The following ZMYND11 variants were observed in gnomAD, a reference collection of about 807,000 sequenced individuals.
ZMYND11 encodes zinc finger MYND-type containing 11.
ZMYND11 carries 9 observed loss-of-function variants against 84.9 expected under a neutral mutation model. That is an observed-to-expected ratio of 0.11 (90% confidence interval 0.06 to 0.18). The LOEUF is 0.18. Among genes scored for constraint, ZMYND11 ranks in the 10% least tolerant of loss-of-function variants. The pLI is 1.00. For missense variants in ZMYND11, 409 were observed against 761.0 expected (o/e 0.54, Z 5.44); for synonymous variants, 250 against 244.1 (o/e 1.02, Z -0.23).
intron 2 of ZMYND11, among the ~76,000 whole-genome samples, chr10:185,493 T>TA (rs531517790): frequency 0.013 from 1,078 of 80,760 alleles, 26 homozygotes; most frequent in African/African-American, 0.033. Flanking sequence ...GGTTTTTCTT[T>TA]AAAAAAAAAA....
chr10:221,674 T>A (rs1222452325), intron 4 of ZMYND11, among the ~76,000 whole-genome samples: 1 of 152,218 alleles, frequency 6.6e-6, no homozygotes, highest in Non-Finnish European at 1.5e-5. Flanking sequence ...ATCTGTTCAA[T>A]AGCTACTTTG....
intron 2 of ZMYND11, among the ~76,000 whole-genome samples, chr10:185,473 A>G (rs1033780303): frequency 2.7e-5 from 4 of 146,452 alleles, no homozygotes; most frequent in Non-Finnish European, 4.5e-5. Context: ...CCATCTCACA[A>G]CAATCTTGTG....
intron 1 of ZMYND11, among the ~76,000 whole-genome samples, chr10:162,918 TGCTATAAA>T (rs1843232536): frequency 1.3e-5 from 2 of 152,200 alleles, no homozygotes; most frequent in Admixed American, 6.5e-5. Context: ...TTTACAGGTC[TGCTATAAA>T]GCTCTTGGTT....
intron 1 of ZMYND11, among the ~76,000 whole-genome samples, chr10:143,110 G>A (rs1236763431): frequency 2.0e-5 from 3 of 152,204 alleles, no homozygotes; most frequent in African/African-American, 7.2e-5. Context: ...GATTCAGAGA[G>A]CTAATTTCTG....
intron 4 of ZMYND11, among the ~76,000 whole-genome samples, chr10:228,794 T>G (rs1219755321): frequency 6.6e-6 from 1 of 152,184 alleles, no homozygotes; most frequent in Non-Finnish European, 1.5e-5. Flanking sequence ...CCATAAAATT[T>G]TTCTCACTTC....
chr10:233,063 G>A (rs1949276917), intron 4 of ZMYND11, among the ~76,000 whole-genome samples: 2 of 152,170 alleles, frequency 1.3e-5, no homozygotes, highest in South Asian at 2.1e-4. Flanking sequence ...TTTACATGAC[G>A]AGGTCTCTTA....
At chr10:165,168 AAGAC>A (rs138609352) in intron 1 of ZMYND11, among the ~76,000 whole-genome samples, 1,665 of 152,142 alleles carry the variant, frequency 0.011, 34 homozygotes, top group African/African-American at 0.039. Context: ...TTATTTCACT[AAGAC>A]AGCTCTTGCC....
At chr10:249,844 T>C (rs1007867548) in intron 14 of ZMYND11, 1 of 874,144 alleles carries the variant, frequency 1.1e-6, no homozygotes, top group Non-Finnish European at 1.4e-6. Flanking sequence ...AAGCTTTTCA[T>C]GAAAGAAATA....
chr10:136,057 G>C (rs1835953114), intron 1 of ZMYND11, among the ~76,000 whole-genome samples: 1 of 152,018 alleles, frequency 6.6e-6, no homozygotes, highest in African/African-American at 2.4e-5. Context: ...GGAGCGGCGG[G>C]CAGGGCTGGC....
At chr10:204,007 G>A (rs1417724402) in intron 2 of ZMYND11, among the ~76,000 whole-genome samples, 1 of 152,096 alleles carries the variant, frequency 6.6e-6, no homozygotes, top group Non-Finnish European at 1.5e-5. Context: ...AGTCCCCTAA[G>A]ATATATATTT....
At chr10:225,199 A>C (rs1345588328) in intron 4 of ZMYND11, among the ~76,000 whole-genome samples, 1 of 152,224 alleles carries the variant, frequency 6.6e-6, no homozygotes, top group African/African-American at 2.4e-5. Context: ...TTTTAGGTTT[A>C]AAGGATAGTG....
intron 2 of ZMYND11, among the ~76,000 whole-genome samples, chr10:184,265 A>G (rs1041334274): frequency 1.8e-4 from 28 of 152,192 alleles, no homozygotes; most frequent in Admixed American, 1.8e-3. Flanking sequence ...TAAATATTCT[A>G]TATACCATGT....
rs1006650621 is a variant in ZMYND11 at position 225,786 on chromosome 10, C to T, written c.438+4430C>T. 2.6e-5 allele frequency among the ~76,000 whole-genome samples: 4 copies of T among 152,220 alleles called. 1 individual carries two copies. The highest frequency in any genetic ancestry group is 9.6e-5 in the African/African-American group (4 of 41,464). On this transcript the variant is annotated intron_variant, in intron 4 of 14. Transcript: ENST00000381604. The stretch of plus-strand genomic sequence containing the variant: ...CATGTGCTCCATGCTTGCTGGCTTG[C>T]AAGCCTGCTGGTGAAAATCATGATA...
At chr10:136,036 G>C (rs1554752028) in intron 1 of ZMYND11, among the ~76,000 whole-genome samples, 2 of 151,954 alleles carry the variant, frequency 1.3e-5, no homozygotes, top group Admixed American at 6.5e-5. Context: ...GGCACGTCGT[G>C]TGCTAGCCCG....
At chr10:235,355 T>C (rs763498000) in intron 4 of ZMYND11, among the ~76,000 whole-genome samples, 22 of 150,858 alleles carry the variant, frequency 1.5e-4, no homozygotes, top group Admixed American at 3.3e-4. Flanking sequence ...TCAGTTAAGT[T>C]CTTCTGTTAG....
At chr10:211,229 C>T (rs1182703796) in intron 3 of ZMYND11, among the ~76,000 whole-genome samples, 4 of 151,010 alleles carry the variant, frequency 2.6e-5, no homozygotes, top group Non-Finnish European at 5.9e-5. Context: ...CTATAGATAT[C>T]TTTTTCTTAA....
At chr10:134,550 A>G (rs1314279058), upstream of ZMYND11, 1 of 152,266 alleles carries the variant, frequency 6.6e-6, no homozygotes, top group South Asian at 2.1e-4. Flanking sequence ...GCAGAGATGA[A>G]ACGGGGAACT....
intron 4 of ZMYND11, among the ~76,000 whole-genome samples, chr10:225,026 CTT>C (rs1358805501): frequency 6.6e-6 from 1 of 152,124 alleles, no homozygotes; most frequent in Non-Finnish European, 1.5e-5. Context: ...AAATCATACT[CTT>C]TTGTGAAAAT....
At chr10:186,720 A>C (rs1332667763) in intron 2 of ZMYND11, among the ~76,000 whole-genome samples, 1 of 150,414 alleles carries the variant, frequency 6.6e-6, no homozygotes, top group Non-Finnish European at 1.5e-5. Context: ...TGAAGGATTT[A>C]AGTCTCAGAT....
Sources: gnomAD v4.1 joint callset for allele counts (sites outside exome capture counted in the v4.1 genomes callset) on GRCh38, gnomAD v4.1.1 for gene constraint, MANE v1.5 for transcripts, NCBI Gene and HGNC (gene_info 2026-07-23, HGNC 2026-07-21) for gene names.